The following STPG1 variants were observed in gnomAD, a reference collection of about 807,000 sequenced individuals.
STPG1 encodes sperm tail PG-rich repeat containing 1.
In STPG1, 33 loss-of-function variants were observed where a neutral mutation model predicts 40.1. The ratio of observed to expected loss-of-function variants is 0.82; its 90% confidence interval spans 0.62 to 1.10. STPG1 has a LOEUF of 1.10. Among genes scored for constraint, STPG1 ranks in the 50% least tolerant of loss-of-function variants. STPG1 has a pLI of 0.00. For missense variants in STPG1, 396 were observed against 415.1 expected (o/e 0.95, Z 0.40); for synonymous variants, 150 against 155.0 (o/e 0.97, Z 0.24).
chr1:24,365,885 C>T (rs1330693162), intron 7 of STPG1, among the ~76,000 whole-genome samples: 1 of 152,150 alleles, frequency 6.6e-6, no homozygotes, highest in African/African-American at 2.4e-5. Flanking sequence ...TTGGGGCCTA[C>T]GCTAATCAAT....
intron 3 of STPG1, among the ~76,000 whole-genome samples, chr1:24,389,655 A>G (rs1057133666): frequency 6.6e-6 from 1 of 152,178 alleles, no homozygotes; most frequent in Non-Finnish European, 1.5e-5. Flanking sequence ...AAGTACACAT[A>G]GTAAGGATAA....
At chr1:24,380,689 G>A (rs902700189) in intron 4 of STPG1, among the ~76,000 whole-genome samples, 9 of 152,166 alleles carry the variant, frequency 5.9e-5, no homozygotes, top group East Asian at 1.9e-4. Flanking sequence ...GGTCCTCAGC[G>A]TCTGGTTTAT....
chr1:24,397,783 C>T (rs1643067515), intron 2 of STPG1, among the ~76,000 whole-genome samples: 1 of 152,010 alleles, frequency 6.6e-6, no homozygotes, highest in Non-Finnish European at 1.5e-5. Context: ...TATATCAATA[C>T]TCCATTGCTT....
chr1:24,367,796 G>A (rs1436909258), intron 7 of STPG1, among the ~76,000 whole-genome samples: 1 of 152,162 alleles, frequency 6.6e-6, no homozygotes, highest in South Asian at 2.1e-4. Context: ...TTACAGGCGT[G>A]AGTCACCATG....
intron 7 of STPG1, chr1:24,364,417 C>A (rs1206539254): frequency 3.2e-5 from 47 of 1,490,926 alleles, no homozygotes; most frequent in Non-Finnish European, 3.6e-6. Context: ...CAGGTCACAT[C>A]TGAGAGCTCT....
upstream of STPG1, chr1:24,414,060 T>C (rs1244333192): frequency 6.6e-6 from 1 of 152,212 alleles, no homozygotes; most frequent in African/African-American, 2.4e-5. Context: ...TCTTTTTTTT[T>C]TGAGACAGAG....
At chr1:24,382,953 C>T (rs1320517309) in intron 4 of STPG1, among the ~76,000 whole-genome samples, 1 of 146,830 alleles carries the variant, frequency 6.8e-6, no homozygotes, top group Non-Finnish European at 1.5e-5. Flanking sequence ...CCTCTGTCAC[C>T]CAGGCTGGAG....
intron 2 of STPG1, among the ~76,000 whole-genome samples, chr1:24,398,196 T>A (rs1643083873): frequency 6.6e-6 from 1 of 152,140 alleles, no homozygotes. Flanking sequence ...TAAGCAGTCC[T>A]TCATATGCTA....
At chr1:24,370,317 C>CTT (rs10679997) in intron 6 of STPG1, among the ~76,000 whole-genome samples, 7,995 of 137,052 alleles carry the variant, frequency 0.058, 695 homozygotes, top group African/African-American at 0.18. Flanking sequence ...CAACAACTAT[C>CTT]TTTTTTTTTT....
chr1:24,381,424 A>G (rs1642278389), intron 4 of STPG1, among the ~76,000 whole-genome samples: 1 of 152,182 alleles, frequency 6.6e-6, no homozygotes, highest in African/African-American at 2.4e-5. Context: ...GTGGCCTCCA[A>G]TCTGGCCAAA....
At chr1:24,362,272 T>C (rs988477781) in intron 7 of STPG1, among the ~76,000 whole-genome samples, 2 of 152,226 alleles carry the variant, frequency 1.3e-5, no homozygotes, top group South Asian at 4.1e-4. Context: ...TCTAAAAATG[T>C]TGGTGTCCGG....
intron 5 of STPG1, among the ~76,000 whole-genome samples, chr1:24,378,004 G>A (rs1386371522): frequency 6.9e-6 from 1 of 143,896 alleles, no homozygotes; most frequent in Non-Finnish European, 1.5e-5. Context: ...CATGAGAAGT[G>A]CTTCATCCTC....
At chr1:24,402,476 T>C (rs557285700) in intron 1 of STPG1, among the ~76,000 whole-genome samples, 8 of 152,132 alleles carry the variant, frequency 5.3e-5, no homozygotes, top group East Asian at 1.9e-4. Flanking sequence ...AACAAAAAAA[T>C]TGGGGACAGC....
At chr1:24,389,279 C>G (rs946389153) in intron 3 of STPG1, among the ~76,000 whole-genome samples, 4 of 152,052 alleles carry the variant, frequency 2.6e-5, no homozygotes, top group African/African-American at 9.7e-5. Flanking sequence ...GGAATGGGGC[C>G]CATCCACGGT....
Position 24,400,280 on chromosome 1 carries a change from T to C in STPG1, c.70+1039A>G, listed in dbSNP as rs191874868. Among the ~76,000 whole-genome samples, 5 of 152,344 alleles carry C rather than the reference T, an allele frequency of 3.3e-5. No homozygotes were observed. In the East Asian group the frequency reaches 9.6e-4, roughly 29 times the overall value. ...AAGAGCTCATATTGTATGATTCACA[T>C]TTACATAACATTCAAAAACAAACTA... On this transcript the variant is annotated intron_variant, in intron 2 of 8. Transcript: ENST00000337248.
At chr1:24,384,862 GA>G (rs1172651514) in intron 3 of STPG1, among the ~76,000 whole-genome samples, 1 of 152,186 alleles carries the variant, frequency 6.6e-6, no homozygotes, top group African/African-American at 2.4e-5. Flanking sequence ...GGCACGTGGA[GA>G]TGAATTTGCC....
intron 5 of STPG1, among the ~76,000 whole-genome samples, chr1:24,377,215 A>G (rs1642070159): frequency 6.6e-6 from 1 of 152,126 alleles, no homozygotes; most frequent in Admixed American, 6.5e-5. Flanking sequence ...AGATCGTGCC[A>G]CTGCACTCCA....
intron 3 of STPG1, among the ~76,000 whole-genome samples, chr1:24,387,807 G>A (rs1258279524): frequency 6.6e-6 from 1 of 152,168 alleles, no homozygotes; most frequent in Non-Finnish European, 1.5e-5. Context: ...AGGGAGGCAG[G>A]ACAGACCCTA....
intron 1 of STPG1, among the ~76,000 whole-genome samples, chr1:24,411,243 A>G (rs72652552): frequency 3.3e-5 from 5 of 152,286 alleles, no homozygotes; most frequent in Non-Finnish European, 7.4e-5. Context: ...CTTTTTACAG[A>G]TGAGAAAACT....
Sources: gnomAD v4.1 joint callset for allele counts (sites outside exome capture counted in the v4.1 genomes callset) on GRCh38, gnomAD v4.1.1 for gene constraint, MANE v1.5 for transcripts, NCBI Gene and HGNC (gene_info 2026-07-23, HGNC 2026-07-21) for gene names.